SHANK2: variants seen among roughly 807,000 people sequenced by gnomAD.
SHANK2 encodes the protein SH3 and multiple ankyrin repeat domains protein 2.
Under a neutral mutation model 133.7 loss-of-function variants are expected in SHANK2, and 43 were observed. The observed-to-expected ratio is 0.32, with a 90% CI of 0.25 to 0.41. The LOEUF (loss-of-function observed/expected upper bound fraction) is 0.41. SHANK2 is among the 10% of genes least tolerant of loss of function. The probability of loss-of-function intolerance (pLI) is 1.00; values close to 1 mark genes in which losing one functional copy is unlikely to be tolerated. For synonymous variants in SHANK2, 1,017 were observed against 952.8 expected, an observed-to-expected ratio of 1.07 and a Z score of -1.24; for missense variants, 1,994 against 2,235.8, an observed-to-expected ratio of 0.89 and a Z score of 2.18.
chr11:70,688,384 C>A (rs1448382300), intron 15 of SHANK2, among the ~76,000 whole-genome samples: 2 of 152,120 alleles, frequency 1.3e-5, no homozygotes, highest in African/African-American at 4.8e-5. Context: ...GGAAGTTGGC[C>A]GTGGCCAGGT....
chr11:71,239,267 C>T (rs2135799719), intron 1 of SHANK2, among the ~76,000 whole-genome samples: 1 of 152,330 alleles, frequency 6.6e-6, no homozygotes, highest in Non-Finnish European at 1.5e-5. Context: ...GTGAAATGGG[C>T]ATTAAAATAC....
intron 1 of SHANK2, among the ~76,000 whole-genome samples, chr11:71,251,387 C>A (rs1555125830): frequency 1.3e-5 from 2 of 152,148 alleles, no homozygotes; most frequent in African/African-American, 4.8e-5. Flanking sequence ...CGAACCCGGG[C>A]GGCGAGGCCC....
chr11:70,633,808 C>G (rs1053004427), intron 17 of SHANK2: 2 of 152,196 alleles, frequency 1.3e-5, no homozygotes, highest in African/African-American at 2.4e-5. Flanking sequence ...GTTTCTGCCT[C>G]CTGGGGAGAT....
intron 3 of SHANK2, among the ~76,000 whole-genome samples, chr11:71,131,506 C>T (rs73523004): frequency 0.06 from 9,140 of 152,194 alleles, 841 homozygotes; most frequent in African/African-American, 0.2. Flanking sequence ...TGTGGCGAAG[C>T]GGTGGGCAGA....
At chr11:70,851,924 T>A (rs1176318379) in intron 11 of SHANK2, among the ~76,000 whole-genome samples, 1 of 152,164 alleles carries the variant, frequency 6.6e-6, no homozygotes. Context: ...TAAACGACTG[T>A]GATAGAATGT....
At chr11:71,097,382 C>T (rs1951635977) in intron 6 of SHANK2, among the ~76,000 whole-genome samples, 1 of 152,054 alleles carries the variant, frequency 6.6e-6, no homozygotes, top group Non-Finnish European at 1.5e-5. Context: ...ACTATCACTC[C>T]CCTGATGAGC....
chr11:70,555,971 G>A (rs2059823267), intron 17 of SHANK2, among the ~76,000 whole-genome samples: 1 of 152,236 alleles, frequency 6.6e-6, no homozygotes, highest in African/African-American at 2.4e-5. Context: ...GGTGATTCAT[G>A]AGGTTGAAGG....
intron 11 of SHANK2, among the ~76,000 whole-genome samples, chr11:70,841,387 G>A (rs1040060762): frequency 1.3e-5 from 2 of 152,164 alleles, no homozygotes; most frequent in African/African-American, 2.4e-5. Flanking sequence ...TTCCTCCACC[G>A]CCACCCAGGG....
At chr11:70,788,728 T>C (rs1015212439) in intron 14 of SHANK2, among the ~76,000 whole-genome samples, 3 of 151,770 alleles carry the variant, frequency 2.0e-5, no homozygotes, top group Non-Finnish European at 2.9e-5. Flanking sequence ...GACCCCAGGG[T>C]TGGATTTGGG....
chr11:70,942,228 A>G (rs544034171), intron 10 of SHANK2, among the ~76,000 whole-genome samples: 12 of 152,270 alleles, frequency 7.9e-5, no homozygotes, highest in African/African-American at 2.9e-4. Context: ...TATTTAGCTC[A>G]AGGTTCTGTG....
intron 15 of SHANK2, among the ~76,000 whole-genome samples, chr11:70,696,764 C>G (rs76852820): frequency 0.02 from 2,986 of 152,258 alleles, 72 homozygotes; most frequent in African/African-American, 0.058. Context: ...ATAACTGAGT[C>G]CAATGAGCAA....
At chr11:70,833,223 T>C (rs1555059083) in intron 11 of SHANK2, among the ~76,000 whole-genome samples, 1 of 152,254 alleles carries the variant, frequency 6.6e-6, no homozygotes. Flanking sequence ...CCTCTGACTG[T>C]GCACAGCACC....
chr11:70,670,769 T>C (rs764712554), intron 15 of SHANK2, among the ~76,000 whole-genome samples: 3 of 152,210 alleles, frequency 2.0e-5, no homozygotes, highest in Non-Finnish European at 4.4e-5. Context: ...AGCCTGCTCC[T>C]GGGGAGGCCA....
intron 17 of SHANK2, among the ~76,000 whole-genome samples, chr11:70,622,255 A>C (rs1554998125): frequency 6.6e-6 from 1 of 152,148 alleles, no homozygotes; most frequent in African/African-American, 2.4e-5. Flanking sequence ...TCCCCGTCTC[A>C]GCAAAGGGCC....
rs191265418 is a variant in SHANK2 at position 70,721,039 on chromosome 11, G to A, written c.1778-22276C>T. Among the ~76,000 whole-genome samples the A allele has an allele frequency of 4.8e-4, 73 of 152,324 alleles. No individual in the cohort carries two copies. In the East Asian group the frequency reaches 0.014, roughly 29 times the overall value. ...CAGTGACCTGAGCCCGGGCTTCCGT[G>A]TGCCAGGCAGGCCTGAGGTGAGATC... On this transcript the variant is annotated intron_variant, in intron 14 of 25. Transcript: ENST00000601538.
intron 17 of SHANK2, among the ~76,000 whole-genome samples, chr11:70,652,957 T>C (rs1555010526): frequency 6.6e-6 from 1 of 152,190 alleles, no homozygotes; most frequent in Non-Finnish European, 1.5e-5. Flanking sequence ...ATGCTGCATC[T>C]GGACTTCATT....
At chr11:70,527,893 C>T (rs538662359) in intron 17 of SHANK2, among the ~76,000 whole-genome samples, 1 of 152,242 alleles carries the variant, frequency 6.6e-6, no homozygotes, top group African/African-American at 2.4e-5. Context: ...CGCCCATGCT[C>T]CTTCACCGGG....
intron 17 of SHANK2, among the ~76,000 whole-genome samples, chr11:70,599,370 G>A (rs1255424354): frequency 6.6e-6 from 1 of 151,400 alleles, no homozygotes; most frequent in African/African-American, 2.4e-5. Context: ...CACTTTGGGA[G>A]GCCGAGGCGG....
At chr11:71,111,347 G>C (rs1951889149) in intron 5 of SHANK2, among the ~76,000 whole-genome samples, 1 of 152,206 alleles carries the variant, frequency 6.6e-6, no homozygotes, top group Admixed American at 6.5e-5. Flanking sequence ...AAATAGCGAT[G>C]CCTGGTCCCC....
Sources: gnomAD v4.1 joint callset for allele counts (sites outside exome capture counted in the v4.1 genomes callset) on GRCh38, gnomAD v4.1.1 for gene constraint, MANE v1.5 for transcripts, NCBI Gene and HGNC (gene_info 2026-07-23, HGNC 2026-07-21) for gene names.